EGFL6: variants seen among roughly 807,000 people sequenced by gnomAD.
The protein encoded by EGFL6 is epidermal growth factor-like protein 6.
EGFL6 carries 42 observed loss-of-function variants against 43.1 expected under a neutral mutation model. The ratio of observed to expected loss-of-function variants is 0.98; its 90% CI spans 0.76 to 1.26. EGFL6 has a LOEUF of 1.26. Ranked by LOEUF, EGFL6 falls within the 50% of genes most tolerant of loss-of-function variation. The pLI is 0.00. For missense variants in EGFL6, 429 were observed against 427.8 expected, an observed-to-expected ratio of 1.00 and a Z score of -0.02; for synonymous variants, 164 against 163.2, an observed-to-expected ratio of 1.01 and a Z score of -0.04.
At chrX:13,609,633 A>C (rs1479049416) in intron 7 of EGFL6, among the ~76,000 whole-genome samples, 1 of 111,032 alleles carries the variant, frequency 9.0e-6, no homozygotes, top group Non-Finnish European at 1.9e-5. Flanking sequence ...GCACGTCTCT[A>C]ATCCCAACTA....
chrX:13,593,416 A>G (rs1158425192), intron 2 of EGFL6, among the ~76,000 whole-genome samples: 1 of 111,886 alleles, frequency 8.9e-6, no homozygotes, highest in Non-Finnish European at 1.9e-5. Flanking sequence ...ATTGAAAGGT[A>G]TCTTACGAGC....
chrX:13,629,632 G>A (rs1390965476), intron 11 of EGFL6, among the ~76,000 whole-genome samples: 2 of 112,012 alleles, frequency 1.8e-5, no homozygotes, highest in Non-Finnish European at 1.9e-5. Flanking sequence ...GTTTAGCAAT[G>A]TCATATTGGC....
rs1422688745 is a variant in EGFL6, at chrX:13,605,760, A to G, written c.521-619A>G. Among the ~76,000 whole-genome samples, 3 of 111,741 alleles carry G rather than the reference A, an allele frequency of 2.7e-5. No homozygotes were observed. In the East Asian group the frequency reaches 8.4e-4, roughly 31 times the overall value. On this transcript the variant is annotated intron_variant, in intron 5 of 11. Coordinates refer to ENST00000361306, the MANE Select transcript of EGFL6 (RefSeq NM_015507.4). ...TCAGCCCCTCTGTTACCTGACTTTC[A>G]ATGGTAGAAAAGGAACAACACACCT...
intron 1 of EGFL6, among the ~76,000 whole-genome samples, chrX:13,584,639 T>C (rs2045524907): frequency 1.8e-5 from 2 of 111,977 alleles, no homozygotes; most frequent in African/African-American, 6.5e-5. Context: ...TCCACCCATA[T>C]TCCTCATTCC....
At chrX:13,613,249 T>G (rs1432049711) in intron 7 of EGFL6, among the ~76,000 whole-genome samples, 2 of 107,363 alleles carry the variant, frequency 1.9e-5, no homozygotes, top group African/African-American at 3.4e-5. Flanking sequence ...GACTCTACAT[T>G]GCAATATGGA....
At chrX:13,617,342 T>C (rs1321224816) in intron 7 of EGFL6, among the ~76,000 whole-genome samples, 1 of 112,040 alleles carries the variant, frequency 8.9e-6, no homozygotes, top group Non-Finnish European at 1.9e-5. Flanking sequence ...AATTTTTGAA[T>C]ATCAAATTTG....
intron 1 of EGFL6, among the ~76,000 whole-genome samples, chrX:13,575,728 A>C (rs967662293): frequency 3.5e-5 from 4 of 112,697 alleles, no homozygotes; most frequent in South Asian, 3.7e-4. Context: ...CAAATTGAAA[A>C]CTGGCCTCAC....
chrX:13,607,347 T>A (rs2045666252), intron 6 of EGFL6, among the ~76,000 whole-genome samples: 1 of 111,653 alleles, frequency 9.0e-6, no homozygotes, highest in African/African-American at 3.3e-5. Context: ...AAAATAGGAT[T>A]TCTTTCAACC....
intron 1 of EGFL6, among the ~76,000 whole-genome samples, chrX:13,578,524 C>T (rs2146961833): frequency 9.3e-6 from 1 of 108,002 alleles, no homozygotes; most frequent in South Asian, 4.3e-4. Flanking sequence ...GACTTGGAAG[C>T]AAGCCAAATG....
chrX:13,627,334 A>T, intron 11 of EGFL6, 58 bp downstream of exon 11: 1 of 1,151,772 alleles, frequency 8.7e-7, no homozygotes, highest in African/African-American at 1.8e-5. Context: ...ATGATTTAAC[A>T]AATGAAACAA....
At chrX:13,610,208 A>G (rs2045681967) in intron 7 of EGFL6, among the ~76,000 whole-genome samples, 1 of 112,426 alleles carries the variant, frequency 8.9e-6, no homozygotes, top group African/African-American at 3.2e-5. Flanking sequence ...TCTGGGAAAT[A>G]TAGTATGGAA....
chrX:13,605,773 G>C (rs368834018), intron 5 of EGFL6, among the ~76,000 whole-genome samples: 1 of 111,633 alleles, frequency 9.0e-6, no homozygotes. Context: ...GGTAGAAAAG[G>C]AACAACACAC....
intron 9 of EGFL6, 89 bp downstream of exon 9, chrX:13,619,332 T>A: frequency 3.6e-6 from 3 of 823,722 alleles, no homozygotes; most frequent in Non-Finnish European, 5.4e-6. Context: ...TGTTTATGAA[T>A]CCCTGCTTCA....
At chrX:13,572,785 G>C (rs1427646400) in intron 1 of EGFL6, among the ~76,000 whole-genome samples, 1 of 111,945 alleles carries the variant, frequency 8.9e-6, no homozygotes, top group East Asian at 2.8e-4. Context: ...CAAAGCCCTG[G>C]TAGCAAAGTG....
intron 3 of EGFL6, among the ~76,000 whole-genome samples, chrX:13,597,653 G>A (rs1339462828): frequency 2.7e-5 from 3 of 111,208 alleles, no homozygotes; most frequent in Non-Finnish European, 3.8e-5. Flanking sequence ...GCGTGGTGGC[G>A]AATGCCTGTA....
chrX:13,627,560 T>C (rs764350239), intron 11 of EGFL6, among the ~76,000 whole-genome samples: 1 of 112,191 alleles, frequency 8.9e-6, no homozygotes, highest in Admixed American at 9.4e-5. Flanking sequence ...ATGCTATACA[T>C]TCCGTAGTAT....
intron 1 of EGFL6, among the ~76,000 whole-genome samples, chrX:13,578,647 G>T (rs991346668): frequency 3.6e-5 from 4 of 111,017 alleles, no homozygotes; most frequent in Admixed American, 1.9e-4. Context: ...GATGAAGCTG[G>T]AAACCATCAT....
chrX:13,574,557 T>C (rs2045460401), intron 1 of EGFL6, among the ~76,000 whole-genome samples: 1 of 111,261 alleles, frequency 9.0e-6, no homozygotes, highest in African/African-American at 3.3e-5. Context: ...ATAGGGTCTT[T>C]AAAGGAGCAG....
intron 3 of EGFL6, among the ~76,000 whole-genome samples, chrX:13,599,765 A>G (rs755497357): frequency 9.0e-6 from 1 of 110,656 alleles, no homozygotes; most frequent in Admixed American, 9.8e-5. Context: ...ACCAATTTAC[A>G]TTCCTTCCAG....
Sources: allele counts gnomAD v4.1 joint callset (sites outside exome capture counted in the v4.1 genomes callset), GRCh38; gene constraint gnomAD v4.1.1; transcripts MANE v1.5; gene names NCBI Gene and HGNC (gene_info 2026-07-23, HGNC 2026-07-21).